Variants in OPRK1 observed in about 807,000 individuals in gnomAD.
OPRK1 encodes the protein opioid receptor kappa 1.
In OPRK1, 15 loss-of-function variants were observed where a neutral mutation model predicts 24.5. The observed-to-expected ratio is 0.61, with a 90% confidence interval of 0.41 to 0.94. The LOEUF is 0.94. Among genes scored for constraint, OPRK1 ranks in the 40% least tolerant of loss-of-function variants. The pLI is 0.00. For missense variants in OPRK1, 479 were observed against 507.3 expected (o/e 0.94, Z 0.54); for synonymous variants, 205 against 198.0 (o/e 1.04, Z -0.30).
chr8:53,237,508 C>T (rs1807022088), intron 2 of OPRK1, among the ~76,000 whole-genome samples: 1 of 152,208 alleles, frequency 6.6e-6, no homozygotes. Flanking sequence ...GTGCCTGCGT[C>T]AGGACCTCTG....
At chr8:53,229,953 A>T in intron 3 of OPRK1, 124 bp from the exon 4 acceptor site, 1 of 884,020 alleles carries the variant, frequency 1.1e-6, no homozygotes, top group South Asian at 2.0e-5. Flanking sequence ...GTAAGATGAC[A>T]TTACCTGAAG....
At chr8:53,231,777 C>T (rs1253553359) in intron 3 of OPRK1, among the ~76,000 whole-genome samples, 8 of 152,104 alleles carry the variant, frequency 5.3e-5, no homozygotes, top group Admixed American at 1.3e-4. Context: ...AACAAACCCT[C>T]GAAAGTGTGT....
chr8:53,231,821 G>A (rs886400880), intron 3 of OPRK1, among the ~76,000 whole-genome samples: 5 of 152,144 alleles, frequency 3.3e-5, no homozygotes, highest in African/African-American at 7.2e-5. Context: ...AAAAGTCACC[G>A]GCTAAGCTAA....
intron 3 of OPRK1, among the ~76,000 whole-genome samples, chr8:53,233,427 AAAAC>A (rs1806904379): frequency 6.6e-6 from 1 of 152,172 alleles, no homozygotes; most frequent in South Asian, 2.1e-4. Flanking sequence ...ATTAAGTCTA[AAAAC>A]AAACAAACCA....
chr8:53,234,225 G>C (rs1444293466), intron 3 of OPRK1, among the ~76,000 whole-genome samples: 4 of 141,318 alleles, frequency 2.8e-5, no homozygotes, highest in Non-Finnish European at 4.5e-5. Context: ...GTTTGCATGG[G>C]GTAAAACCTG....
Position 53,226,705 on chromosome 8 carries a change from G to T in OPRK1, c.*2592C>A, listed in dbSNP as rs200868661. 9.3e-6 allele frequency: 1 copy of T among 107,388 alleles called. No individual in the cohort carries two copies. Among genetic ancestry groups the T allele is most frequent in the Non-Finnish European group, 1.8e-5 (1 of 56,036 alleles). 6.7% of individuals were successfully genotyped at this position (107,388 alleles called of 1,614,324 possible). ...CACTTTGACAAAGAAATACATTTGT[G>T]CAAGTGGTATTTTCCCTGCTACGTT... On this transcript the variant is annotated 3_prime_UTR_variant, in exon 4 of 4. Coordinates refer to ENST00000265572, the MANE Select transcript of OPRK1 (RefSeq NM_000912.5).
intron 2 of OPRK1, among the ~76,000 whole-genome samples, chr8:53,239,871 A>G (rs1446184808): frequency 6.6e-6 from 1 of 152,218 alleles, no homozygotes; most frequent in African/African-American, 2.4e-5. Flanking sequence ...CGTCTTAGAA[A>G]TACTCTCAGT....
At position 53,229,132 on chromosome 8, in the gene OPRK1, A is replaced by T; in HGVS notation, c.*165T>A. The T allele has an allele frequency of 1.3e-6, 1 of 768,482 alleles. No homozygotes were observed. Among genetic ancestry groups the T allele is most frequent in the South Asian group, 1.9e-5 (1 of 51,628 alleles). 47.6% of individuals were successfully genotyped at this position (768,482 alleles called of 1,614,324 possible). ...CCTTTTGTCCTTGATGTTTCCACTGATCACGAACGTGGTCTGCATCTGATG... is the reference window on the plus strand; with the variant it reads ...CCTTTTGTCCTTGATGTTTCCACTGTTCACGAACGTGGTCTGCATCTGATG... On this transcript the variant is annotated 3_prime_UTR_variant, in exon 4 of 4. Coordinates refer to ENST00000265572, the MANE Select transcript of OPRK1 (RefSeq NM_000912.5).
intron 3 of OPRK1, among the ~76,000 whole-genome samples, chr8:53,230,340 G>A (rs1039991544): frequency 1.3e-5 from 2 of 152,104 alleles, no homozygotes; most frequent in African/African-American, 4.8e-5. Context: ...AAATCATTAT[G>A]TGGGTCAACA....
intron 2 of OPRK1, among the ~76,000 whole-genome samples, chr8:53,247,026 T>C (rs548671231): frequency 3.3e-5 from 5 of 152,162 alleles, no homozygotes; most frequent in Non-Finnish European, 7.3e-5. Flanking sequence ...AGCATCCAAC[T>C]AGCTGGGTAT....
chr8:53,229,960 G>A, intron 3 of OPRK1, 131 bp from the exon 4 acceptor site: 1 of 800,154 alleles, frequency 1.2e-6, no homozygotes, highest in Non-Finnish European at 1.9e-6. Flanking sequence ...GACATTACCT[G>A]AAGTAGATCA....
chr8:53,232,424 A>T (rs530498515), intron 3 of OPRK1, among the ~76,000 whole-genome samples: 13 of 152,382 alleles, frequency 8.5e-5, no homozygotes, highest in Non-Finnish European at 1.5e-4. Flanking sequence ...AATGAGAAAT[A>T]CTTGAGGTGA....
At chr8:53,240,332 G>C (rs929851241) in intron 2 of OPRK1, among the ~76,000 whole-genome samples, 2 of 152,170 alleles carry the variant, frequency 1.3e-5, no homozygotes, top group East Asian at 3.8e-4. Flanking sequence ...TTTCTAAATA[G>C]ATTCCTTTAA....
In OPRK1 at chr8:53,226,957, T is replaced by C. The variant is rs199715351; in HGVS notation, c.*2340A>G. On this transcript the variant is annotated 3_prime_UTR_variant, in exon 4 of 4. Coordinates refer to ENST00000265572, the MANE Select transcript of OPRK1 (RefSeq NM_000912.5). ...ATTAACGCTGTAAGAGCACGTGAAG[T>C]GCTAACTTAAAGGAAACAGGCCAGG... The C allele has an allele frequency of 6.6e-6, 1 of 152,020 alleles. No homozygotes were observed. Among genetic ancestry groups the C allele is most frequent in the African/African-American group, 2.4e-5 (1 of 41,418 alleles). 9.4% of individuals were successfully genotyped at this position (152,020 alleles called of 1,614,324 possible).
At chr8:53,231,399 G>GT (rs1245148394) in intron 3 of OPRK1, among the ~76,000 whole-genome samples, 1 of 152,102 alleles carries the variant, frequency 6.6e-6, no homozygotes, top group African/African-American at 2.4e-5. Flanking sequence ...GGTTTGGTTT[G>GT]TTTTTTTCTG....
At position 53,226,050 on chromosome 8, in the gene OPRK1, GA is replaced by G. The variant is rs1427566003; in HGVS notation, c.*3246del. On this transcript the variant is annotated 3_prime_UTR_variant, in exon 4 of 4. Coordinates refer to ENST00000265572, the MANE Select transcript of OPRK1 (RefSeq NM_000912.5). ...GCCAGTGTGCTCCCTGAATTTGCAT[GA>G]GTCATCGTATTTCATCCCAGGACTA... is the stretch of plus-strand genomic sequence containing the variant. The G allele has an allele frequency of 2.6e-5, 4 of 152,002 alleles. No individual in the cohort carries two copies. The highest frequency in any genetic ancestry group is 2.6e-4 in the Admixed American group (4 of 15,260). The allele number at this position is 152,002 out of a possible 1,614,324, so 9.4% of individuals were successfully genotyped here.
At chr8:53,246,869 C>A (rs559935159) in intron 2 of OPRK1, among the ~76,000 whole-genome samples, 4 of 152,240 alleles carry the variant, frequency 2.6e-5, no homozygotes, top group Admixed American at 6.5e-5. Flanking sequence ...GATTTGAATT[C>A]ATTTTTTAAA....
At chr8:53,232,851 T>C (rs1806888991) in intron 3 of OPRK1, among the ~76,000 whole-genome samples, 1 of 152,154 alleles carries the variant, frequency 6.6e-6, no homozygotes, top group South Asian at 2.1e-4. Flanking sequence ...TTAGCTACTA[T>C]AAAAAAGTAA....
At chr8:53,241,348 G>C (rs184173390) in intron 2 of OPRK1, among the ~76,000 whole-genome samples, 49 of 152,100 alleles carry the variant, frequency 3.2e-4, no homozygotes, top group African/African-American at 1.1e-3. Context: ...TGCTCTTCTG[G>C]GTTATTTACT....
Sources: allele counts gnomAD v4.1 joint callset (sites outside exome capture counted in the v4.1 genomes callset), GRCh38; gene constraint gnomAD v4.1.1; transcripts MANE v1.5; gene names NCBI Gene and HGNC (gene_info 2026-07-23, HGNC 2026-07-21).